SCHIP1: variants seen among roughly 807,000 people sequenced by gnomAD.
The protein encoded by SCHIP1 is schwannomin interacting protein 1, also known as schwannomin-interacting protein 1.
A neutral mutation model predicts 29.7 loss-of-function variants in SCHIP1; 8 were observed. That is an observed-to-expected ratio of 0.27 (90% CI 0.16 to 0.49). The LOEUF (loss-of-function observed/expected upper bound fraction) is 0.49, where lower values mean the gene tolerates loss of function less well. Among genes scored for constraint, SCHIP1 ranks in the 20% least tolerant of loss-of-function variants. SCHIP1 has a pLI of 0.99. For synonymous variants in SCHIP1, 76 were observed against 94.9 expected (o/e 0.80, Z 1.16); for missense variants, 193 against 294.6 (o/e 0.66, Z 2.52).
At chr3:159,639,780 G>A in the SCHIP1 span, among the ~76,000 whole-genome samples, 1 of 152,148 alleles carries the variant, frequency 6.6e-6, no homozygotes. Context: ...CAGAGGTTTT[G>A]GAGGACTTTA....
the SCHIP1 span, among the ~76,000 whole-genome samples, chr3:159,308,941 A>G: frequency 3.3e-5 from 5 of 152,160 alleles, no homozygotes; most frequent in Non-Finnish European, 7.4e-5. Flanking sequence ...CCATGTCCTC[A>G]CTTATAAATG....
At chr3:159,325,354 C>A in the SCHIP1 span, among the ~76,000 whole-genome samples, 342 of 152,246 alleles carry the variant, frequency 2.2e-3, 1 homozygote, top group African/African-American at 7.7e-3. Flanking sequence ...AGAAGTAAAT[C>A]ATAAATCATT....
the SCHIP1 span, among the ~76,000 whole-genome samples, chr3:159,707,457 C>T: frequency 1.3e-5 from 2 of 152,076 alleles, no homozygotes; most frequent in African/African-American, 2.4e-5. Context: ...TAGCCCAAGC[C>T]AATGTGTAGT....
intron 1 of SCHIP1, among the ~76,000 whole-genome samples, chr3:159,846,612 G>T (rs1711874380): frequency 6.6e-6 from 1 of 152,144 alleles, no homozygotes; most frequent in African/African-American, 2.4e-5. Flanking sequence ...GAATGGAAAA[G>T]GGAATTTCAA....
chr3:159,716,122 A>G, the SCHIP1 span, among the ~76,000 whole-genome samples: 2 of 152,242 alleles, frequency 1.3e-5, no homozygotes, highest in Non-Finnish European at 2.9e-5. Context: ...AAGAATTTTC[A>G]ACCCAGAATT....
At chr3:159,870,866 A>G (rs1412288865) in intron 2 of SCHIP1, among the ~76,000 whole-genome samples, 1 of 152,048 alleles carries the variant, frequency 6.6e-6, no homozygotes, top group East Asian at 1.9e-4. Flanking sequence ...TTTACATAAT[A>G]TTTTTATGAT....
the SCHIP1 span, among the ~76,000 whole-genome samples, chr3:159,659,354 C>G: frequency 5.3e-5 from 8 of 152,256 alleles, no homozygotes; most frequent in African/African-American, 1.9e-4. Context: ...CACAAGGTGG[C>G]CAGGTACAAG....
At chr3:159,587,664 C>T in the SCHIP1 span, among the ~76,000 whole-genome samples, 32 of 152,224 alleles carry the variant, frequency 2.1e-4, no homozygotes, top group African/African-American at 3.9e-4. Context: ...GTTCCCCTTC[C>T]GGTGTCCAAG....
the SCHIP1 span, among the ~76,000 whole-genome samples, chr3:159,442,679 C>A: frequency 6.6e-6 from 1 of 152,122 alleles, no homozygotes; most frequent in African/African-American, 2.4e-5. Context: ...GCTGGCTGCC[C>A]ATGACAACAT....
the SCHIP1 span, among the ~76,000 whole-genome samples, chr3:159,588,602 G>A: frequency 3.3e-5 from 5 of 152,062 alleles, no homozygotes; most frequent in African/African-American, 1.2e-4. Flanking sequence ...TTTTAGGTCT[G>A]ACATTTAAGT....
chr3:159,428,696 G>A, the SCHIP1 span, among the ~76,000 whole-genome samples: 1 of 151,442 alleles, frequency 6.6e-6, no homozygotes, highest in Non-Finnish European at 1.5e-5. Context: ...CCATTACTGG[G>A]TATATACCCA....
At chr3:159,678,151 C>A in the SCHIP1 span, among the ~76,000 whole-genome samples, 12 of 152,196 alleles carry the variant, frequency 7.9e-5, no homozygotes, top group Admixed American at 3.3e-4. Flanking sequence ...TCTTTTGAAT[C>A]CACAGTTTTT....
chr3:159,527,921 T>C, the SCHIP1 span, among the ~76,000 whole-genome samples: 2 of 152,174 alleles, frequency 1.3e-5, no homozygotes, highest in South Asian at 2.1e-4. Context: ...TAAAAACAAT[T>C]TATAATATAA....
chr3:159,497,951 AT>A, the SCHIP1 span, among the ~76,000 whole-genome samples: 1 of 152,074 alleles, frequency 6.6e-6, no homozygotes. Flanking sequence ...TCTGTATATT[AT>A]TTTCCCTAAA....
the SCHIP1 span, among the ~76,000 whole-genome samples, chr3:159,417,362 T>A: frequency 5.5e-4 from 84 of 152,272 alleles, no homozygotes; most frequent in South Asian, 2.7e-3. Context: ...ATCTCATAAC[T>A]CTGATACACC....
chr3:159,568,215 C>A, the SCHIP1 span, among the ~76,000 whole-genome samples: 3 of 151,970 alleles, frequency 2.0e-5, no homozygotes, highest in Non-Finnish European at 4.4e-5. Context: ...CTTGGGTTTT[C>A]TATGCTGTAA....
the SCHIP1 span, among the ~76,000 whole-genome samples, chr3:159,629,248 C>T: frequency 6.6e-6 from 1 of 151,948 alleles, no homozygotes; most frequent in African/African-American, 2.4e-5. Flanking sequence ...CACTGCACTC[C>T]ACTCTGGGTA....
the SCHIP1 span, among the ~76,000 whole-genome samples, chr3:159,828,245 G>A: frequency 6.6e-6 from 1 of 151,152 alleles, no homozygotes; most frequent in South Asian, 2.1e-4. Context: ...CACCTAATAA[G>A]AAGTGCAGTC....
chr3:159,633,178 A>G, the SCHIP1 span, among the ~76,000 whole-genome samples: 1 of 152,184 alleles, frequency 6.6e-6, no homozygotes, highest in Non-Finnish European at 1.5e-5. Flanking sequence ...TTTTAACACA[A>G]AATCTTCATT....
Sources: allele counts gnomAD v4.1 joint callset (sites outside exome capture counted in the v4.1 genomes callset), GRCh38; gene constraint gnomAD v4.1.1; transcripts MANE v1.5; gene names NCBI Gene and HGNC (gene_info 2026-07-23, HGNC 2026-07-21).